Variants in ARIH2 observed in about 807,000 individuals in gnomAD.
The protein encoded by ARIH2 is E3 ubiquitin-protein ligase ARIH2.
A neutral mutation model predicts 79.8 loss-of-function variants in ARIH2; 12 were observed. The observed-to-expected ratio is 0.15, with a 90% confidence interval of 0.10 to 0.24. ARIH2 has a LOEUF of 0.24. ARIH2 is among the 10% of genes least tolerant of loss of function. ARIH2 has a pLI of 1.00. For missense variants in ARIH2, 301 were observed against 618.3 expected (o/e 0.49, Z 5.44); for synonymous variants, 224 against 213.9 (o/e 1.05, Z -0.41).
intron 7 of ARIH2, among the ~76,000 whole-genome samples, chr3:48,969,466 ATTTTC>A (rs957459737): frequency 2.0e-5 from 3 of 149,530 alleles, no homozygotes; most frequent in African/African-American, 7.4e-5. Flanking sequence ...ATGCAATATA[ATTTTC>A]TTTTCTTTTT....
chr3:48,956,994 C>T (rs984213116), intron 3 of ARIH2, among the ~76,000 whole-genome samples: 2 of 151,146 alleles, frequency 1.3e-5, no homozygotes, highest in East Asian at 2.0e-4. Context: ...ATTATAGGCA[C>T]GAGCCACTGT....
chr3:48,943,505 T>G (rs1359635720), intron 3 of ARIH2: 1 of 152,114 alleles, frequency 6.6e-6, no homozygotes, highest in Admixed American at 6.6e-5. Context: ...GAGAATGGTC[T>G]TGGCGTATGG....
At chr3:48,955,685 A>T (rs1479481896) in intron 3 of ARIH2, among the ~76,000 whole-genome samples, 4 of 152,142 alleles carry the variant, frequency 2.6e-5, no homozygotes, top group African/African-American at 9.7e-5. Flanking sequence ...AGCTGTTTGT[A>T]CTCAGACAGA....
intron 3 of ARIH2, among the ~76,000 whole-genome samples, chr3:48,943,975 A>G (rs1020026016): frequency 6.6e-6 from 1 of 152,200 alleles, no homozygotes; most frequent in Non-Finnish European, 1.5e-5. Context: ...TACTCTGTGC[A>G]GTTCATTTGA....
intron 4 of ARIH2, among the ~76,000 whole-genome samples, chr3:48,963,728 C>A (rs879470433): frequency 2.6e-5 from 4 of 151,918 alleles, no homozygotes; most frequent in Admixed American, 2.6e-4. Flanking sequence ...TATAGGTGTT[C>A]CTGATATTGT....
intron 3 of ARIH2, among the ~76,000 whole-genome samples, chr3:48,941,363 AG>A (rs1260280020): frequency 6.6e-6 from 1 of 152,124 alleles, no homozygotes; most frequent in Non-Finnish European, 1.5e-5. Flanking sequence ...GGGACTTGAA[AG>A]TGGGAGATAG....
At chr3:48,935,205 T>A (rs961366344) in intron 3 of ARIH2, among the ~76,000 whole-genome samples, 1 of 152,256 alleles carries the variant, frequency 6.6e-6, no homozygotes, top group Non-Finnish European at 1.5e-5. Flanking sequence ...GTTATGTTCC[T>A]GTGCCAGGCA....
chr3:48,963,122 G>C (rs555389823), intron 4 of ARIH2, among the ~76,000 whole-genome samples: 1 of 152,292 alleles, frequency 6.6e-6, no homozygotes, highest in East Asian at 1.9e-4. Flanking sequence ...GGACATACCA[G>C]CTGGAGCAGC....
chr3:48,961,512 G>T, intron 3 of ARIH2, 100 bp from the exon 4 acceptor site: 8 of 662,014 alleles, frequency 1.2e-5, no homozygotes, highest in Non-Finnish European at 2.1e-5. Context: ...TCCAGCCTGG[G>T]CTTGGCATAA....
chr3:48,939,990 G>A (rs908388934), intron 3 of ARIH2, among the ~76,000 whole-genome samples: 9 of 151,834 alleles, frequency 5.9e-5, no homozygotes, highest in African/African-American at 1.5e-4. Flanking sequence ...TTGGGAGGCC[G>A]AGGCAGGTGT....
At chr3:48,952,696 T>G (rs1455454304) in intron 3 of ARIH2, among the ~76,000 whole-genome samples, 1 of 152,046 alleles carries the variant, frequency 6.6e-6, no homozygotes, top group Non-Finnish European at 1.5e-5. Context: ...AGTGGGAATG[T>G]GGTGCCCCCC....
At chr3:48,930,249 A>G (rs1045663672) in intron 3 of ARIH2, among the ~76,000 whole-genome samples, 2 of 152,236 alleles carry the variant, frequency 1.3e-5, no homozygotes, top group Non-Finnish European at 1.5e-5. Context: ...GGAATCATAT[A>G]CAAAGTTTTT....
In ARIH2 at chr3:48,971,850, T is replaced by C. The variant is rs80283918; in HGVS notation, c.770+1146T>C. On this transcript the variant is annotated intron_variant, in intron 8 of 15. Coordinates refer to ENST00000356401, the MANE Select transcript of ARIH2 (RefSeq NM_006321.4). The stretch of plus-strand genomic sequence containing the variant: ...TGTTCTTTATCCTTGTGTCCCACTT[T>C]ATGAAATTCTTTCCCTGGGTATTTG... 3.1e-4 allele frequency among the ~76,000 whole-genome samples: 47 copies of C among 152,372 alleles called. 2 individuals are homozygous for C. The East Asian group carries it at 8.5e-3, about 28-fold the overall frequency.
intron 3 of ARIH2, among the ~76,000 whole-genome samples, chr3:48,941,153 C>A: frequency 7.3e-6 from 1 of 136,438 alleles, no homozygotes; most frequent in Admixed American, 7.9e-5. Flanking sequence ...GCCTGGGTGA[C>A]AGAGCAAGAC....
At chr3:48,931,173 A>T (rs2086301788) in intron 3 of ARIH2, among the ~76,000 whole-genome samples, 1 of 152,142 alleles carries the variant, frequency 6.6e-6, no homozygotes, top group African/African-American at 2.4e-5. Flanking sequence ...TGTACCCTCA[A>T]ACTCCTGGGT....
chr3:48,923,446 C>CAATTAATAGGGTTTTTTTTTTA (rs2085117526), intron 2 of ARIH2, among the ~76,000 whole-genome samples: 1 of 146,714 alleles, frequency 6.8e-6, no homozygotes, highest in African/African-American at 2.5e-5. Context: ...TATTGCCCCA[C>CAATTAATAGGGTTTTTTTTTTA]AATTAATAGG....
At chr3:48,945,979 TATA>T (rs2089073071) in intron 3 of ARIH2, among the ~76,000 whole-genome samples, 1 of 152,184 alleles carries the variant, frequency 6.6e-6, no homozygotes, top group Non-Finnish European at 1.5e-5. Flanking sequence ...AGTTTTATCT[TATA>T]AGGTAGTCTC....
intron 3 of ARIH2, among the ~76,000 whole-genome samples, chr3:48,950,033 T>G (rs868145424): frequency 5.9e-5 from 9 of 152,298 alleles, no homozygotes; most frequent in South Asian, 4.1e-4. Context: ...TTCTGTGCTT[T>G]CTTTTAGCAA....
At chr3:48,962,305 A>C (rs972686796) in intron 4 of ARIH2, among the ~76,000 whole-genome samples, 2 of 151,892 alleles carry the variant, frequency 1.3e-5, no homozygotes, top group African/African-American at 4.8e-5. Flanking sequence ...TAAACCCTGG[A>C]GGCAGAGGTT....
Sources: gnomAD v4.1 joint callset for allele counts (sites outside exome capture counted in the v4.1 genomes callset) on GRCh38, gnomAD v4.1.1 for gene constraint, MANE v1.5 for transcripts, NCBI Gene and HGNC (gene_info 2026-07-23, HGNC 2026-07-21) for gene names.